PIBF1: variants seen among roughly 807,000 people sequenced by gnomAD.
PIBF1 encodes the protein progesterone immunomodulatory binding factor 1.
PIBF1 carries 90 observed loss-of-function variants against 112.5 expected under a neutral mutation model. That is an observed-to-expected ratio of 0.80 (90% CI 0.67 to 0.95). PIBF1 has a LOEUF of 0.95. Among genes scored for constraint, PIBF1 ranks in the 40% least tolerant of loss-of-function variants. PIBF1 has a pLI of 0.00. For missense variants in PIBF1, 915 were observed against 852.3 expected (o/e 1.07, Z -0.92); for synonymous variants, 301 against 288.6 (o/e 1.04, Z -0.44).
intron 2 of PIBF1, among the ~76,000 whole-genome samples, chr13:72,791,881 G>A (rs1468181456): frequency 1.3e-5 from 2 of 151,836 alleles, no homozygotes; most frequent in East Asian, 2.0e-4. Flanking sequence ...TTGTCTGCCC[G>A]CCTCGGCCTC....
At chr13:72,955,398 T>C (rs908679958) in intron 14 of PIBF1, among the ~76,000 whole-genome samples, 6 of 151,960 alleles carry the variant, frequency 3.9e-5, no homozygotes, top group African/African-American at 1.4e-4. Context: ...TGTGTGTGTG[T>C]GTATGTGCAC....
At chr13:72,964,420 C>A (rs1215788507) in intron 14 of PIBF1, among the ~76,000 whole-genome samples, 1 of 152,092 alleles carries the variant, frequency 6.6e-6, no homozygotes, top group Non-Finnish European at 1.5e-5. Context: ...GGTAGCTATT[C>A]AACATTATGA....
intron 5 of PIBF1, among the ~76,000 whole-genome samples, chr13:72,812,285 A>C (rs1308476588): frequency 6.6e-6 from 1 of 152,172 alleles, no homozygotes; most frequent in Non-Finnish European, 1.5e-5. Context: ...TTTATGATTT[A>C]ATTTTTTTAA....
At chr13:72,840,771 C>G (rs1001179601) in intron 9 of PIBF1, among the ~76,000 whole-genome samples, 1 of 152,176 alleles carries the variant, frequency 6.6e-6, no homozygotes, top group African/African-American at 2.4e-5. Flanking sequence ...GGTAGTCTGC[C>G]TGCCTCGGCC....
intron 16 of PIBF1, among the ~76,000 whole-genome samples, chr13:72,987,854 ATTTATTTT>A (rs1283616150): frequency 5.1e-5 from 3 of 58,666 alleles, no homozygotes; most frequent in Non-Finnish European, 5.9e-5. Flanking sequence ...TTATTTATTT[ATTTATTTT>A]TTTTTTTTTT....
intron 12 of PIBF1, among the ~76,000 whole-genome samples, chr13:72,909,552 C>T (rs528995577): frequency 2.7e-5 from 4 of 149,742 alleles, no homozygotes; most frequent in East Asian, 2.0e-4. Context: ...TGGATTGCAA[C>T]GGTGTGATCT....
In PIBF1 at chr13:72,879,733, C is replaced by G. The variant is rs548618079; in HGVS notation, c.1323-14051C>G. Among the ~76,000 whole-genome samples the G allele has an allele frequency of 7.9e-5, 12 of 152,248 alleles. No individual in the cohort carries two copies. In the East Asian group the frequency reaches 2.1e-3, roughly 27 times the overall value. ...GGCCGATAGGCCAAATCCAGCCTAC[C>G]ATCTGTTTTTGGACAGCCTGCAAGC... On this transcript the variant is annotated intron_variant, in intron 10 of 17. Coordinates refer to ENST00000326291, the MANE Select transcript of PIBF1 (RefSeq NM_006346.4).
At chr13:72,820,412 A>G (rs1357485483) in intron 5 of PIBF1, among the ~76,000 whole-genome samples, 1 of 152,138 alleles carries the variant, frequency 6.6e-6, no homozygotes, top group Non-Finnish European at 1.5e-5. Context: ...TCGGGAGGTG[A>G]TAGCGTATCC....
At chr13:72,836,104 A>G in intron 9 of PIBF1, 1 of 454,588 alleles carries the variant, frequency 2.2e-6, no homozygotes, top group South Asian at 1.6e-5. Context: ...ATCTCAAAAA[A>G]AAAAAAGAAA....
chr13:72,844,791 A>ACACACACACACACACACACG (rs1566348767), intron 9 of PIBF1, among the ~76,000 whole-genome samples: 3 of 131,128 alleles, frequency 2.3e-5, no homozygotes, highest in Admixed American at 1.6e-4. Context: ...ACACACACAC[A>ACACACACACACACACACACG]CACACACACG....
At chr13:72,876,718 C>A (rs1346268071) in intron 10 of PIBF1, among the ~76,000 whole-genome samples, 1 of 152,008 alleles carries the variant, frequency 6.6e-6, no homozygotes, top group Non-Finnish European at 1.5e-5. Context: ...ACTGGAAATT[C>A]CACTTGTTCC....
At chr13:72,978,474 T>A (rs188360381) in intron 16 of PIBF1, among the ~76,000 whole-genome samples, 1 of 152,354 alleles carries the variant, frequency 6.6e-6, no homozygotes, top group Admixed American at 6.5e-5. Context: ...AGAAAAAAAC[T>A]CATGATGAAT....
intron 17 of PIBF1, among the ~76,000 whole-genome samples, chr13:73,003,167 T>C (rs1261863829): frequency 6.6e-6 from 1 of 152,078 alleles, no homozygotes; most frequent in Non-Finnish European, 1.5e-5. Context: ...AGATTAAGTT[T>C]ATATAATTGA....
intron 5 of PIBF1, among the ~76,000 whole-genome samples, chr13:72,802,886 G>T (rs1364602683): frequency 6.6e-6 from 1 of 152,088 alleles, no homozygotes; most frequent in Non-Finnish European, 1.5e-5. Flanking sequence ...GAGAGAAGGA[G>T]GAGTTACCAG....
chr13:72,980,085 A>C (rs191357897), intron 16 of PIBF1, among the ~76,000 whole-genome samples: 31 of 152,296 alleles, frequency 2.0e-4, no homozygotes, highest in Middle Eastern at 3.4e-3. Flanking sequence ...GGTTTGGGGA[A>C]GAAAAGTTCA....
At chr13:72,782,672 C>A (rs1490839176) in intron 1 of PIBF1, among the ~76,000 whole-genome samples, 1 of 152,102 alleles carries the variant, frequency 6.6e-6, no homozygotes, top group African/African-American at 2.4e-5. Context: ...TGCTAACATT[C>A]TTATGAGAGA....
At chr13:72,899,292 A>G (rs2040397039) in intron 11 of PIBF1, among the ~76,000 whole-genome samples, 1 of 152,170 alleles carries the variant, frequency 6.6e-6, no homozygotes, top group African/African-American at 2.4e-5. Flanking sequence ...GCATCACCCT[A>G]ATACCAAACC....
intron 14 of PIBF1, among the ~76,000 whole-genome samples, chr13:72,956,833 C>A (rs1344090554): frequency 2.6e-5 from 4 of 152,110 alleles, no homozygotes; most frequent in Non-Finnish European, 4.4e-5. Flanking sequence ...AAGAAAAAAA[C>A]CCCATCAAAA....
chr13:72,874,363 A>C (rs568699007), intron 10 of PIBF1, among the ~76,000 whole-genome samples: 2 of 152,314 alleles, frequency 1.3e-5, no homozygotes, highest in African/African-American at 4.8e-5. Context: ...CATCAAACTA[A>C]ATTTGAGTTT....
Sources: gnomAD v4.1 joint callset for allele counts (sites outside exome capture counted in the v4.1 genomes callset) on GRCh38, gnomAD v4.1.1 for gene constraint, MANE v1.5 for transcripts, NCBI Gene and HGNC (gene_info 2026-07-23, HGNC 2026-07-21) for gene names.